The following PTPRD variants were observed in gnomAD, a reference collection of about 807,000 sequenced individuals.
PTPRD encodes the protein protein tyrosine phosphatase receptor type D.
A neutral mutation model predicts 214.5 loss-of-function variants in PTPRD; 34 were observed. The ratio of observed to expected loss-of-function variants is 0.16; its 90% CI spans 0.12 to 0.21. PTPRD has a LOEUF of 0.21. Ranked by LOEUF, PTPRD falls within the 10% of genes least tolerant of loss-of-function variation. The probability of loss-of-function intolerance (pLI) is 1.00; values close to 1 mark genes in which losing one functional copy is unlikely to be tolerated. For synonymous variants in PTPRD, 1,128 were observed against 845.7 expected, an observed-to-expected ratio of 1.33 and a Z score of -5.79; for missense variants, 2,545 against 2,398.7, an observed-to-expected ratio of 1.06 and a Z score of -1.27.
intron 2 of PTPRD, among the ~76,000 whole-genome samples, chr9:10,355,589 C>T (rs1233249848): frequency 6.6e-6 from 1 of 152,024 alleles, no homozygotes; most frequent in Admixed American, 6.5e-5. Context: ...AGCGATTCTC[C>T]TTCCTCAGCC....
intron 7 of PTPRD, among the ~76,000 whole-genome samples, chr9:9,595,758 A>C (rs962863066): frequency 8.6e-5 from 13 of 151,898 alleles, no homozygotes; most frequent in African/African-American, 2.4e-4. Context: ...ATGCAAAGAC[A>C]TAAGAATGAT....
chr9:10,283,134 A>G (rs1175695417), intron 3 of PTPRD, among the ~76,000 whole-genome samples: 2 of 151,936 alleles, frequency 1.3e-5, no homozygotes, highest in African/African-American at 4.8e-5. Context: ...GTACACACAC[A>G]CACACACACA....
At chr9:9,679,222 C>A (rs1227294694) in intron 7 of PTPRD, among the ~76,000 whole-genome samples, 1 of 150,144 alleles carries the variant, frequency 6.7e-6, no homozygotes, top group Non-Finnish European at 1.5e-5. Context: ...TACTCTTCCT[C>A]TCTCTCTCTC....
Position 10,094,070 on chromosome 9 carries a change from G to A in PTPRD, c.-544-60280C>T, listed in dbSNP as rs371850479. ...ATATCCACATAACAAATCTGCACAT[G>A]TACCTGTTGAATCCAAAATCAACGT... On this transcript the variant is annotated intron_variant, in intron 3 of 45. Coordinates refer to ENST00000381196, the MANE Select transcript of PTPRD (RefSeq NM_002839.4). Among the ~76,000 whole-genome samples, 12 of 151,376 alleles carry A rather than the reference G, an allele frequency of 7.9e-5. No individual in the cohort carries two copies. The South Asian group carries it at 8.3e-4, about 10-fold the overall frequency.
chr9:9,331,090 T>C (rs186676566), intron 9 of PTPRD, among the ~76,000 whole-genome samples: 1 of 152,166 alleles, frequency 6.6e-6, no homozygotes, highest in Admixed American at 6.6e-5. Flanking sequence ...TGGGCTGAAA[T>C]ACAGTAATGT....
At chr9:8,753,573 T>C (rs2093718147) in intron 11 of PTPRD, among the ~76,000 whole-genome samples, 2 of 152,160 alleles carry the variant, frequency 1.3e-5, no homozygotes, top group African/African-American at 4.8e-5. Flanking sequence ...GACTAGTTAC[T>C]AGAATGTGTG....
intron 10 of PTPRD, among the ~76,000 whole-genome samples, chr9:9,118,590 T>A (rs2099814540): frequency 6.6e-6 from 1 of 152,090 alleles, no homozygotes. Context: ...TACTCATACA[T>A]CTCCTCCCTT....
intron 3 of PTPRD, among the ~76,000 whole-genome samples, chr9:10,098,897 A>G (rs1439399104): frequency 6.6e-6 from 1 of 151,798 alleles, no homozygotes; most frequent in African/African-American, 2.4e-5. Context: ...TTCCCAGTAT[A>G]CAATATTTTT....
chr9:10,158,096 C>T (rs916041605), intron 3 of PTPRD, among the ~76,000 whole-genome samples: 3 of 152,080 alleles, frequency 2.0e-5, no homozygotes, highest in Non-Finnish European at 4.4e-5. Flanking sequence ...ACAACCTCCT[C>T]CTCCTGAGTT....
In PTPRD at chr9:9,756,259, A is replaced by G. The variant is rs183762780; in HGVS notation, c.-326+10551T>C. Among the ~76,000 whole-genome samples the G allele has an allele frequency of 5.3e-5, 8 of 152,240 alleles. 1 individual carries two copies. Among genetic ancestry groups the G allele is most frequent in the African/African-American group, 1.9e-4 (8 of 41,582 alleles). ...TGTGAGATTCATTAGCTTCTAAATA[A>G]GACAAAGTCTATGGTTTCTCTCTCA... On this transcript the variant is annotated intron_variant, in intron 6 of 45. Transcript: ENST00000381196.
At chr9:9,095,049 C>T (rs867741196) in intron 10 of PTPRD, among the ~76,000 whole-genome samples, 23 of 152,182 alleles carry the variant, frequency 1.5e-4, no homozygotes, top group Admixed American at 4.6e-4. Flanking sequence ...CTGATATCAA[C>T]ATCCATTCAT....
At chr9:10,283,460 C>T (rs929602969) in intron 3 of PTPRD, among the ~76,000 whole-genome samples, 1 of 152,178 alleles carries the variant, frequency 6.6e-6, no homozygotes, top group Non-Finnish European at 1.5e-5. Context: ...AGTAAGTTAA[C>T]TAAAGATTAA....
chr9:8,540,361 AATG>A (rs1308787763), intron 14 of PTPRD, among the ~76,000 whole-genome samples: 1 of 152,110 alleles, frequency 6.6e-6, no homozygotes, highest in Non-Finnish European at 1.5e-5. Flanking sequence ...ATTTCACACA[AATG>A]ATGACAATAT....
chr9:8,791,812 T>C (rs1353542347), intron 11 of PTPRD, among the ~76,000 whole-genome samples: 1 of 152,076 alleles, frequency 6.6e-6, no homozygotes, highest in Non-Finnish European at 1.5e-5. Context: ...GGCTAAAAGC[T>C]CTTTTGACCC....
At chr9:9,595,646 A>C (rs1386243992) in intron 7 of PTPRD, among the ~76,000 whole-genome samples, 1 of 151,810 alleles carries the variant, frequency 6.6e-6, no homozygotes, top group African/African-American at 2.4e-5. Flanking sequence ...CTTTGCCGCA[A>C]CCTCAATGAG....
At position 10,432,293 on chromosome 9, in the gene PTPRD, G is replaced by C. The variant is rs530821605; in HGVS notation, c.-599-91276C>G. On this transcript the variant is annotated intron_variant, in intron 2 of 45. Transcript: ENST00000381196. ...ACACTCTGGGGACTGTGGTGGGGTG[G>C]GGGGAGGGGGGAGGGATAGCATTGG... 2.7e-3 allele frequency among the ~76,000 whole-genome samples: 313 copies of C among 114,842 alleles called. 2 individuals are homozygous for C. Among genetic ancestry groups the C allele is most frequent in the Non-Finnish European group, 4.6e-3 (262 of 57,274 alleles). 75.3% of individuals were successfully genotyped at this position (114,842 alleles called of 152,430 possible).
chr9:9,929,769 G>C (rs1295922302), intron 5 of PTPRD, among the ~76,000 whole-genome samples: 1 of 152,132 alleles, frequency 6.6e-6, no homozygotes. Context: ...GATGTCCCTA[G>C]GAAGTTTAAA....
chr9:10,488,564 C>CA (rs1444595774), intron 2 of PTPRD, among the ~76,000 whole-genome samples: 1 of 152,022 alleles, frequency 6.6e-6, no homozygotes, highest in African/African-American at 2.4e-5. Context: ...CCCTAGGCCT[C>CA]AAGAGTTTTT....
In PTPRD at chr9:8,315,121, A is replaced by G. The variant is rs1255462597; in HGVS notation, c.*2753T>C. 8.6e-6 allele frequency: 2 copies of G among 232,548 alleles called. No homozygotes were observed. Among genetic ancestry groups the G allele is most frequent in the African/African-American group, 2.2e-5 (1 of 45,258 alleles). 14.4% of individuals were successfully genotyped at this position (232,548 alleles called of 1,614,324 possible). A position where few individuals can be genotyped will look rare whatever the true frequency, so the allele number is the denominator to read the frequency against. Reference sequence around the variant, plus strand: ...TTGAAAGCTTGTGGTAATGGCAGATAAAGATGGTTCACCTGGGAAATTAAA... The same window carrying G: ...TTGAAAGCTTGTGGTAATGGCAGATGAAGATGGTTCACCTGGGAAATTAAA... On this transcript the variant is annotated 3_prime_UTR_variant, in exon 46 of 46. Coordinates refer to ENST00000381196, the MANE Select transcript of PTPRD (RefSeq NM_002839.4).
Sources: allele counts gnomAD v4.1 joint callset (sites outside exome capture counted in the v4.1 genomes callset), GRCh38; gene constraint gnomAD v4.1.1; transcripts MANE v1.5; gene names NCBI Gene and HGNC (gene_info 2026-07-23, HGNC 2026-07-21).